The following ERCC6L2 variants were observed in gnomAD, a reference collection of about 807,000 sequenced individuals.
ERCC6L2 encodes DNA excision repair protein ERCC-6-like 2.
In ERCC6L2, 77 loss-of-function variants were observed where a neutral mutation model predicts 132.0. The observed-to-expected ratio is 0.58, with a 90% CI of 0.49 to 0.71. ERCC6L2 has a LOEUF of 0.71. ERCC6L2 is among the 30% of genes least tolerant of loss of function. ERCC6L2 has a pLI of 0.00. For synonymous variants in ERCC6L2, 583 were observed against 632.4 expected (o/e 0.92, Z 1.17); for missense variants, 1,542 against 1,837.6 (o/e 0.84, Z 2.94).
chr9:96,001,218 G>A (rs1258696936), intron 17 of ERCC6L2, among the ~76,000 whole-genome samples: 1 of 152,178 alleles, frequency 6.6e-6, no homozygotes, highest in Non-Finnish European at 1.5e-5. Context: ...TTATTGCAAA[G>A]AGCGAAAGAA....
rs1445776054 is a variant in ERCC6L2, at chr9:96,017,411, C to T, written c.*4208C>T. 1.3e-5 allele frequency among the ~76,000 whole-genome samples: 2 copies of T among 152,100 alleles called. No individual in the cohort carries two copies. The highest frequency in any genetic ancestry group is 2.9e-5 in the Non-Finnish European group (2 of 67,942). Reference sequence around the variant, plus strand: ...CCCTAGGAGGAAAGACAGATTCGCCCTTCCTTCCCAAGTCCCAGGCTGTGT... The same window carrying T: ...CCCTAGGAGGAAAGACAGATTCGCCTTTCCTTCCCAAGTCCCAGGCTGTGT... On this transcript the variant is annotated 3_prime_UTR_variant, in exon 19 of 19. Transcript: ENST00000653738.
In ERCC6L2 at chr9:96,015,116, TC is replaced by T. The variant is rs145072223; in HGVS notation, c.*1916del. ...TGGCTCACTGCAACCTCCACCTCCC[TC>T]CCAAACAACTCTTATGCCTCAGCCT... On this transcript the variant is annotated 3_prime_UTR_variant, in exon 19 of 19. Transcript: ENST00000653738. 2.2e-4 allele frequency among the ~76,000 whole-genome samples: 28 copies of T among 125,430 alleles called. No individual in the cohort carries two copies. The East Asian group carries it at 7.4e-3, about 33-fold the overall frequency. The allele number at this position is 125,430 out of a possible 152,430, so 82.3% of individuals were successfully genotyped here. A position where few individuals can be genotyped will look rare whatever the true frequency, so the allele number is the denominator to read the frequency against.
chr9:95,880,057 G>C (rs75495783), intron 1 of ERCC6L2, among the ~76,000 whole-genome samples: 1,968 of 152,234 alleles, frequency 0.013, 43 homozygotes, highest in African/African-American at 0.045. Context: ...TAAAATAGCT[G>C]TATGGTTAGT....
chr9:95,987,209 CAT>C (rs1488472521), intron 17 of ERCC6L2, among the ~76,000 whole-genome samples: 1 of 152,178 alleles, frequency 6.6e-6, no homozygotes, highest in South Asian at 2.1e-4. Context: ...TCCCAAATCT[CAT>C]GTCCTCACAT....
At chr9:95,912,592 T>C (rs916282388) in intron 4 of ERCC6L2, among the ~76,000 whole-genome samples, 5 of 152,190 alleles carry the variant, frequency 3.3e-5, no homozygotes, top group African/African-American at 1.2e-4. Flanking sequence ...ACATTATCAT[T>C]GTCACACACA....
intron 13 of ERCC6L2, among the ~76,000 whole-genome samples, chr9:95,962,840 G>T (rs1002223939): frequency 6.6e-6 from 1 of 151,966 alleles, no homozygotes; most frequent in African/African-American, 2.4e-5. Context: ...ACTTACAATG[G>T]GTTTATCTAG....
At chr9:95,882,178 G>A (rs1160424469) in intron 2 of ERCC6L2, among the ~76,000 whole-genome samples, 1 of 152,160 alleles carries the variant, frequency 6.6e-6, no homozygotes, top group Non-Finnish European at 1.5e-5. Context: ...CAAGTAGGAG[G>A]GCAAGAGACA....
chr9:96,040,644 C>T (rs1834567522), intron 20 of ERCC6L2, among the ~76,000 whole-genome samples: 1 of 152,248 alleles, frequency 6.6e-6, no homozygotes, highest in South Asian at 2.1e-4. Context: ...TGGGTGGTCC[C>T]TGCCCCCTGC....
intron 3 of ERCC6L2, among the ~76,000 whole-genome samples, chr9:95,901,235 G>A (rs667018): frequency 0.76 from 115,757 of 151,938 alleles, 45,278 homozygotes; most frequent in African/African-American, 0.94. Context: ...TGAGAGTTCA[G>A]TGTCAACCCG....
chr9:95,904,182 G>A (rs62562963), intron 3 of ERCC6L2, among the ~76,000 whole-genome samples: 14,529 of 151,920 alleles, frequency 0.096, 794 homozygotes, highest in Admixed American at 0.14. Flanking sequence ...TTCTAGCAAA[G>A]ATTCCAATTT....
At chr9:96,003,728 A>G (rs1833768441) in intron 17 of ERCC6L2, among the ~76,000 whole-genome samples, 1 of 152,088 alleles carries the variant, frequency 6.6e-6, no homozygotes, top group African/African-American at 2.4e-5. Flanking sequence ...CCACTGTGGG[A>G]CTTCCTTGTT....
chr9:95,988,386 G>A (rs1406844955), intron 17 of ERCC6L2, among the ~76,000 whole-genome samples: 1 of 152,052 alleles, frequency 6.6e-6, no homozygotes, highest in Non-Finnish European at 1.5e-5. Context: ...TTTTATTTTG[G>A]AGACGTCAGT....
chr9:95,922,168 T>C (rs1007635670), intron 7 of ERCC6L2, 137 bp from the exon 8 acceptor site: 2 of 529,724 alleles, frequency 3.8e-6, no homozygotes, highest in Admixed American at 7.1e-5. Flanking sequence ...TGTGCAATAG[T>C]TGACCATCAT....
intron 4 of ERCC6L2, among the ~76,000 whole-genome samples, chr9:95,911,866 AC>A (rs1168523644): frequency 2.0e-5 from 3 of 152,186 alleles, no homozygotes; most frequent in Non-Finnish European, 4.4e-5. Context: ...AATTACCTTT[AC>A]CTCAACTCTT....
intron 2 of ERCC6L2, among the ~76,000 whole-genome samples, chr9:95,884,509 C>G (rs1250980562): frequency 7.8e-6 from 1 of 127,556 alleles, no homozygotes; most frequent in Non-Finnish European, 1.7e-5. Context: ...TTTCCTGTTT[C>G]TTGATTTCAT....
intron 12 of ERCC6L2, among the ~76,000 whole-genome samples, chr9:95,948,596 A>G (rs1831173896): frequency 6.6e-6 from 1 of 152,132 alleles, no homozygotes; most frequent in African/African-American, 2.4e-5. Context: ...CAGTTAGCCA[A>G]GATGGCAGCA....
rs867142410 is a variant in ERCC6L2, at chr9:96,015,654, T to A, written c.*2451T>A. ...ACTAAAAAAAAAAAAAATACAAAAA[T>A]TAGCCAGGCGTGGTGGTGGGCGCCT... On this transcript the variant is annotated 3_prime_UTR_variant, in exon 19 of 19. Coordinates refer to ENST00000653738, the MANE Select transcript of ERCC6L2 (RefSeq NM_020207.7). Among the ~76,000 whole-genome samples, 10 of 145,412 alleles carry A rather than the reference T, an allele frequency of 6.9e-5. No homozygotes were observed. The highest frequency in any genetic ancestry group is 2.0e-4 in the African/African-American group (8 of 39,254).
rs1834215747 is a variant in ERCC6L2 at position 96,017,935 on chromosome 9, T to C, written c.*4732T>C. Among the ~76,000 whole-genome samples the C allele has an allele frequency of 6.6e-6, 1 of 152,188 alleles. No individual in the cohort carries two copies. The highest frequency in any genetic ancestry group is 6.5e-5 in the Admixed American group (1 of 15,282). ...CTTGAAAGGAAATTCGGACACGTGC[T>C]ACAACATAGATGAATCTTGAGGACG... On this transcript the variant is annotated 3_prime_UTR_variant, in exon 19 of 19. Coordinates refer to ENST00000653738, the MANE Select transcript of ERCC6L2 (RefSeq NM_020207.7).
At chr9:95,878,389 T>C (rs589458) in intron 1 of ERCC6L2, among the ~76,000 whole-genome samples, 59,797 of 152,110 alleles carry the variant, frequency 0.39, 12,436 homozygotes, top group Middle Eastern at 0.51. Flanking sequence ...CAGGATATTC[T>C]GATGGATTGG....
Sources: allele counts gnomAD v4.1 joint callset (sites outside exome capture counted in the v4.1 genomes callset), GRCh38; gene constraint gnomAD v4.1.1; transcripts MANE v1.5; gene names NCBI Gene and HGNC (gene_info 2026-07-23, HGNC 2026-07-21).